Variants in RSPO2 observed in about 807,000 individuals in gnomAD.
RSPO2 encodes the protein R-spondin-2.
Under a neutral mutation model 30.9 loss-of-function variants are expected in RSPO2, and 14 were observed. The observed-to-expected ratio is 0.45, with a 90% CI of 0.30 to 0.71. The LOEUF (loss-of-function observed/expected upper bound fraction) is 0.71. Among genes scored for constraint, RSPO2 ranks in the 30% least tolerant of loss-of-function variants. The pLI is 0.08. For missense variants in RSPO2, 264 were observed against 301.9 expected (o/e 0.87, Z 0.93); for synonymous variants, 107 against 96.4 (o/e 1.11, Z -0.64).
chr8:107,961,192 A>C lies in RSPO2; in HGVS notation c.284-375T>G, dbSNP rs575156597. Among the ~76,000 whole-genome samples, 18 of 152,312 alleles carry C rather than the reference A, an allele frequency of 1.2e-4. No individual in the cohort carries two copies. In the South Asian group the frequency reaches 3.7e-3, roughly 32 times the overall value. On this transcript the variant is annotated intron_variant, in intron 3 of 5. Transcript: ENST00000276659. ...CTGCCCTCAAAAGGCCTACAATGGG[A>C]ACACTGTAATAAGTGTTTGTGTATA...
chr8:107,994,526 G>A (rs943828749), intron 2 of RSPO2, among the ~76,000 whole-genome samples: 4 of 151,994 alleles, frequency 2.6e-5, no homozygotes, highest in Non-Finnish European at 5.9e-5. Flanking sequence ...GGGGACAATC[G>A]TACCTTAAAA....
intron 2 of RSPO2, among the ~76,000 whole-genome samples, chr8:108,039,693 C>T (rs1418737017): frequency 6.6e-6 from 1 of 152,164 alleles, no homozygotes; most frequent in African/African-American, 2.4e-5. Flanking sequence ...AACTCTGTCT[C>T]TTCCCATCAA....
intron 2 of RSPO2, among the ~76,000 whole-genome samples, chr8:108,035,177 A>T (rs1811551804): frequency 6.6e-6 from 1 of 152,214 alleles, no homozygotes; most frequent in South Asian, 2.1e-4. Context: ...GAGCTTTAGA[A>T]TGCTTTTCTG....
chr8:108,076,507 T>C (rs1813018871), intron 2 of RSPO2, among the ~76,000 whole-genome samples: 1 of 152,102 alleles, frequency 6.6e-6, no homozygotes. Context: ...GAGATGGATA[T>C]AAACTCACTA....
intron 5 of RSPO2, among the ~76,000 whole-genome samples, chr8:107,932,098 CAGA>C (rs1305617629): frequency 2.6e-5 from 4 of 152,076 alleles, no homozygotes; most frequent in Non-Finnish European, 4.4e-5. Flanking sequence ...AGGTAATACC[CAGA>C]AGAAGTTAAA....
intron 5 of RSPO2, among the ~76,000 whole-genome samples, chr8:107,945,239 ACC>A (rs1813019849): frequency 1.0e-5 from 1 of 97,310 alleles, no homozygotes; most frequent in African/African-American, 3.8e-5. Flanking sequence ...TCATTCTTTT[ACC>A]TTTTTTTTTT....
intron 2 of RSPO2, among the ~76,000 whole-genome samples, chr8:108,059,969 T>C (rs575321162): frequency 6.6e-6 from 1 of 151,388 alleles, no homozygotes; most frequent in East Asian, 1.9e-4. Flanking sequence ...AACCTGCACA[T>C]TGTGCACATG....
At chr8:108,009,903 G>C (rs1394322264) in intron 2 of RSPO2, among the ~76,000 whole-genome samples, 1 of 151,508 alleles carries the variant, frequency 6.6e-6, no homozygotes, top group African/African-American at 2.4e-5. Context: ...ACCAAAATTA[G>C]TCAAGTGTGG....
intron 5 of RSPO2, among the ~76,000 whole-genome samples, chr8:107,941,484 T>C (rs533089114): frequency 1.3e-5 from 2 of 152,318 alleles, no homozygotes; most frequent in East Asian, 3.9e-4. Context: ...ACATAATAAA[T>C]GTAGACCATT....
intron 2 of RSPO2, among the ~76,000 whole-genome samples, chr8:108,057,534 C>T (rs1030708196): frequency 1.3e-5 from 2 of 152,156 alleles, no homozygotes; most frequent in African/African-American, 4.8e-5. Flanking sequence ...CCAAGACAAA[C>T]ACCTAAATGT....
At chr8:107,975,225 T>C (rs1814166787) in intron 3 of RSPO2, among the ~76,000 whole-genome samples, 1 of 152,240 alleles carries the variant, frequency 6.6e-6, no homozygotes, top group Non-Finnish European at 1.5e-5. Flanking sequence ...TGACTTTAAA[T>C]GCTAAAAGTA....
intron 5 of RSPO2, among the ~76,000 whole-genome samples, chr8:107,934,538 A>G (rs1405844997): frequency 2.6e-5 from 4 of 151,656 alleles, no homozygotes; most frequent in African/African-American, 9.7e-5. Context: ...ACACCTGGCT[A>G]ATTTTGTATT....
At chr8:108,060,404 C>T (rs1015066596) in intron 2 of RSPO2, among the ~76,000 whole-genome samples, 5 of 151,368 alleles carry the variant, frequency 3.3e-5, no homozygotes, top group African/African-American at 2.4e-5. Flanking sequence ...CTTCAGTAGC[C>T]AATTCGATCA....
At position 107,983,861 on chromosome 8, in the gene RSPO2, T is replaced by C. The variant is rs920548566; in HGVS notation, c.283+5195A>G. The C allele has an allele frequency of 2.6e-6, 4 of 1,563,704 alleles. No homozygotes were observed. The Admixed American group carries it at 5.0e-5, about 20-fold the overall frequency. ...CAACCTGGCAGAAGTTTGCAGCAAA[T>C]ACTGGGAAAGCCAAGGACATTCCTG... is the stretch of plus-strand genomic sequence containing the variant. On this transcript the variant is annotated intron_variant, in intron 3 of 5. Transcript: ENST00000276659.
intron 5 of RSPO2, among the ~76,000 whole-genome samples, chr8:107,911,373 G>A (rs1183758131): frequency 6.6e-6 from 1 of 152,158 alleles, no homozygotes; most frequent in African/African-American, 2.4e-5. Flanking sequence ...ACTAGCCTTG[G>A]CAGGCATCTA....
At chr8:107,966,102 G>A (rs555281848) in intron 3 of RSPO2, among the ~76,000 whole-genome samples, 1 of 152,214 alleles carries the variant, frequency 6.6e-6, no homozygotes, top group South Asian at 2.1e-4. Flanking sequence ...GGTTACTTGG[G>A]TTTAGAAGCT....
At chr8:108,025,351 A>G (rs1020566133) in intron 2 of RSPO2, among the ~76,000 whole-genome samples, 15 of 152,208 alleles carry the variant, frequency 9.9e-5, no homozygotes, top group Admixed American at 4.6e-4. Context: ...TGTTCAAAGA[A>G]TGATGGAACA....
intron 2 of RSPO2, among the ~76,000 whole-genome samples, chr8:108,015,111 C>A (rs1011962240): frequency 2.0e-5 from 3 of 152,060 alleles, no homozygotes. Context: ...GTTTCTTGGC[C>A]ATAATAGAAG....
intron 2 of RSPO2, among the ~76,000 whole-genome samples, chr8:108,072,639 A>C (rs1812895136): frequency 6.6e-6 from 1 of 151,832 alleles, no homozygotes; most frequent in African/African-American, 2.4e-5. Flanking sequence ...CGCCCGGCCG[A>C]TGCCAGAGAA....
Sources: allele counts gnomAD v4.1 joint callset (sites outside exome capture counted in the v4.1 genomes callset), GRCh38; gene constraint gnomAD v4.1.1; transcripts MANE v1.5; gene names NCBI Gene and HGNC (gene_info 2026-07-23, HGNC 2026-07-21).